NBAS: variants seen among roughly 807,000 people sequenced by gnomAD.
NBAS encodes the protein NAG/BC035112 fusion.
A neutral mutation model predicts 302.5 loss-of-function variants in NBAS; 219 were observed. The ratio of observed to expected loss-of-function variants is 0.72; its 90% CI spans 0.65 to 0.81. NBAS has a LOEUF of 0.81. NBAS is among the 30% of genes least tolerant of loss of function. The pLI, the probability that NBAS is intolerant of heterozygous loss-of-function variation, is 0.00. For missense variants in NBAS, 2,932 were observed against 2,841.6 expected (o/e 1.03, Z -0.72); for synonymous variants, 1,118 against 1,021.6 (o/e 1.09, Z -1.80).
the NBAS span, among the ~76,000 whole-genome samples, chr2:14,783,233 G>A: frequency 1.2e-4 from 18 of 152,150 alleles, no homozygotes; most frequent in Admixed American, 3.3e-4. Flanking sequence ...GTGACTAAAC[G>A]TACTGGAAAA....
In NBAS at chr2:15,477,586, A is replaced by G. The variant is rs114545990; in HGVS notation, c.1147+640T>C. Among the ~76,000 whole-genome samples the G allele has an allele frequency of 6.0e-3, 915 of 152,308 alleles. 9 individuals are homozygous for G. The highest frequency in any genetic ancestry group is 0.02 in the African/African-American group (828 of 41,578). On this transcript the variant is annotated intron_variant, in intron 13 of 51. Coordinates refer to ENST00000281513, the MANE Select transcript of NBAS (RefSeq NM_015909.4). ...ATTGTAATAACAGAGCCTGAACCTT[A>G]TAACTATCACTGATTTTACTGAAGA...
downstream of NBAS, chr2:15,166,804 G>A (rs1178016941): frequency 2.2e-6 from 1 of 459,498 alleles, no homozygotes; most frequent in African/African-American, 2.0e-5. Context: ...GAAAAGGCAG[G>A]TTGAAATAAA....
rs370669818 is a variant in NBAS at position 15,234,669 on chromosome 2, T to C, written c.6022A>G (p.Ile2008Val). The change falls in exon 46 of 52, where the codon ATT becomes GTT. Residue 2008 changes from isoleucine to valine, a missense_variant. Ile to Val is a conservative substitution (Grantham distance 29, BLOSUM62 3). Transcript: ENST00000281513. ...KEKLHDEAVA[I>V]CLDGQPLAMI... is the part of the protein sequence containing the mutation. ...GCTAGAGGCTGACCATCTAAACAAA[T>C]AGCCACAGCTTCATCATGAAGTTTC... 3.0e-5 allele frequency: 48 copies of C among 1,614,062 alleles called. No homozygotes were observed. The African/African-American group carries it at 3.6e-4, about 12-fold the overall frequency.
chr2:15,054,249 G>A, the NBAS span, among the ~76,000 whole-genome samples: 2 of 152,234 alleles, frequency 1.3e-5, no homozygotes, highest in African/African-American at 4.8e-5. Flanking sequence ...CATGTGCAGA[G>A]AGGTTAGGTA....
At chr2:15,515,271 G>A (rs775464440) in intron 9 of NBAS, among the ~76,000 whole-genome samples, 2 of 152,026 alleles carry the variant, frequency 1.3e-5, no homozygotes, top group Non-Finnish European at 2.9e-5. Context: ...ATGGGAGCAT[G>A]AAATTAGTGG....
chr2:14,954,907 G>A, the NBAS span, among the ~76,000 whole-genome samples: 1 of 152,100 alleles, frequency 6.6e-6, no homozygotes, highest in East Asian at 1.9e-4. Flanking sequence ...TTGCACTCCT[G>A]ACCCCTTCCA....
chr2:15,242,141 G>A (rs1667893523), intron 44 of NBAS, among the ~76,000 whole-genome samples: 1 of 152,156 alleles, frequency 6.6e-6, no homozygotes, highest in Non-Finnish European at 1.5e-5. Context: ...CAGCATTACT[G>A]AGTCTAGCCC....
intron 12 of NBAS, among the ~76,000 whole-genome samples, chr2:15,480,890 A>G (rs1260709289): frequency 6.6e-6 from 1 of 152,210 alleles, no homozygotes; most frequent in Non-Finnish European, 1.5e-5. Flanking sequence ...TAGTGCATTT[A>G]CCATGTTGTG....
chr2:15,351,071 T>C (rs1273300822), intron 35 of NBAS, among the ~76,000 whole-genome samples: 1 of 152,192 alleles, frequency 6.6e-6, no homozygotes, highest in Non-Finnish European at 1.5e-5. Context: ...TCACCAAAAT[T>C]GAAAACAAAC....
chr2:15,352,203 G>T (rs1353459127), intron 34 of NBAS, 122 bp from the exon 35 acceptor site: 2 of 711,618 alleles, frequency 2.8e-6, no homozygotes, highest in East Asian at 2.8e-5. Flanking sequence ...ATAATGATTA[G>T]TTTTGGTAAC....
chr2:15,056,531 T>C, the NBAS span, among the ~76,000 whole-genome samples: 1 of 152,220 alleles, frequency 6.6e-6, no homozygotes, highest in Non-Finnish European at 1.5e-5. Context: ...TGTTTGTGTC[T>C]ATGGAGGTCT....
At chr2:15,025,411 T>C in the NBAS span, among the ~76,000 whole-genome samples, 2 of 152,244 alleles carry the variant, frequency 1.3e-5, no homozygotes, top group Non-Finnish European at 2.9e-5. Context: ...TTCTTCCAGC[T>C]TTGTTCCTTT....
chr2:15,107,301 A>G, the NBAS span, among the ~76,000 whole-genome samples: 5 of 152,230 alleles, frequency 3.3e-5, no homozygotes, highest in South Asian at 2.1e-4. Flanking sequence ...GCTGTCTGCA[A>G]GCCAAGAAGA....
At chr2:15,501,304 A>G (rs1661537402) in intron 11 of NBAS, among the ~76,000 whole-genome samples, 1 of 152,028 alleles carries the variant, frequency 6.6e-6, no homozygotes, top group Admixed American at 6.5e-5. Context: ...AGATAATATT[A>G]TATGCCAGAC....
At chr2:15,367,499 C>T (rs1035743185) in intron 31 of NBAS, among the ~76,000 whole-genome samples, 7 of 152,184 alleles carry the variant, frequency 4.6e-5, no homozygotes, top group African/African-American at 1.7e-4. Flanking sequence ...TAACCCTACA[C>T]AGCAAACTCT....
At chr2:15,097,067 T>C in the NBAS span, among the ~76,000 whole-genome samples, 1 of 152,248 alleles carries the variant, frequency 6.6e-6, no homozygotes, top group African/African-American at 2.4e-5. Context: ...AAGTTGAATC[T>C]CCTGGGTGAC....
At position 15,418,870 on chromosome 2, in the gene NBAS, G is replaced by A. The variant is rs547062587; in HGVS notation, c.2578-1158C>T. On this transcript the variant is annotated intron_variant, in intron 23 of 51. Transcript: ENST00000281513. Reference sequence around the variant, plus strand: ...TGCTGTGTGTCAAGCTAAGGAACACGCAGCTGATCAGGAAGGCAGAGGATT... The same window carrying A: ...TGCTGTGTGTCAAGCTAAGGAACACACAGCTGATCAGGAAGGCAGAGGATT... 5.3e-5 allele frequency among the ~76,000 whole-genome samples: 8 copies of A among 152,326 alleles called. No homozygotes were observed. The East Asian group carries it at 5.8e-4, about 11-fold the overall frequency.
the NBAS span, among the ~76,000 whole-genome samples, chr2:14,882,104 C>T: frequency 1.3e-5 from 2 of 152,206 alleles, no homozygotes; most frequent in African/African-American, 2.4e-5. Flanking sequence ...CCCCCAGACC[C>T]GATTCTCCCC....
At chr2:15,097,136 T>G in the NBAS span, among the ~76,000 whole-genome samples, 2 of 152,136 alleles carry the variant, frequency 1.3e-5, no homozygotes. Context: ...GAGGTATTTA[T>G]GTAGCACCTT....
Sources: allele counts gnomAD v4.1 joint callset (sites outside exome capture counted in the v4.1 genomes callset), GRCh38; gene constraint gnomAD v4.1.1; transcripts MANE v1.5; gene names NCBI Gene and HGNC (gene_info 2026-07-23, HGNC 2026-07-21).